The following CLIC5 variants were observed in gnomAD, a reference collection of about 807,000 sequenced individuals.
The protein encoded by CLIC5 is chloride intracellular channel protein 5.
A neutral mutation model predicts 24.7 loss-of-function variants in CLIC5; 20 were observed. The observed-to-expected ratio is 0.81, with a 90% confidence interval of 0.57 to 1.18. The LOEUF is 1.18. CLIC5 is among the 50% of genes most tolerant of loss of function. The pLI is 0.00. For synonymous variants in CLIC5, 159 were observed against 135.6 expected, an observed-to-expected ratio of 1.17 and a Z score of -1.20; for missense variants, 341 against 326.1, an observed-to-expected ratio of 1.05 and a Z score of -0.35.
chr6:46,038,018 T>C lies in CLIC5; in HGVS notation c.540+41685A>G, dbSNP rs147558523. 5.7e-3 allele frequency among the ~76,000 whole-genome samples: 863 copies of C among 152,216 alleles called. 5 individuals are homozygous for C. Among genetic ancestry groups the C allele is most frequent in the African/African-American group, 0.019 (794 of 41,522 alleles). On this transcript the variant is annotated intron_variant, in intron 1 of 5. Coordinates refer to the CLIC5 transcript ENST00000185206. ...AGATAGAGCCTGGGATTGGCCTCAG[T>C]GGGACTTTTTGTATTCATAGGACTC...
the CLIC5 span, among the ~76,000 whole-genome samples, chr6:46,114,079 A>G: frequency 6.6e-6 from 1 of 152,206 alleles, no homozygotes; most frequent in African/African-American, 2.4e-5. Flanking sequence ...AAGAGACATT[A>G]CACTCTGAAA....
At chr6:46,069,907 G>T (rs1045572857) in intron 1 of CLIC5, among the ~76,000 whole-genome samples, 4 of 152,140 alleles carry the variant, frequency 2.6e-5, no homozygotes, top group Admixed American at 6.5e-5. Flanking sequence ...GGGATGCAAG[G>T]TTGGTTCAAC....
At chr6:46,087,586 G>T in the CLIC5 span, among the ~76,000 whole-genome samples, 1 of 151,958 alleles carries the variant, frequency 6.6e-6, no homozygotes, top group African/African-American at 2.4e-5. Flanking sequence ...TTCACGGTGG[G>T]TCTAGTTTCT....
upstream of CLIC5, among the ~76,000 whole-genome samples, chr6:46,083,915 T>C (rs1762976206): frequency 6.6e-6 from 1 of 152,268 alleles, no homozygotes; most frequent in Admixed American, 6.5e-5. Context: ...AGTCTAAGTC[T>C]CTTTGTAGGT....
chr6:45,983,785 C>T (rs1487525064), intron 1 of CLIC5, among the ~76,000 whole-genome samples: 2 of 152,186 alleles, frequency 1.3e-5, no homozygotes, highest in Non-Finnish European at 1.5e-5. Context: ...AAATATAATG[C>T]CTTTCTCAGA....
rs368656586 is a variant in CLIC5, at chr6:46,029,236, G to A, written c.540+50467C>T. On this transcript the variant is annotated intron_variant, in intron 1 of 5. Transcript: ENST00000185206. ...TGAATAAATGGGCAAGGGAATGAGT[G>A]TTTTTCATGGCACAGTTCACTTAAC... Among the ~76,000 whole-genome samples the A allele has an allele frequency of 4.6e-5, 7 of 152,304 alleles. No individual in the cohort carries two copies. In the South Asian group the frequency reaches 8.3e-4, roughly 18 times the overall value.
intron 1 of CLIC5, among the ~76,000 whole-genome samples, chr6:45,996,042 T>G (rs994500404): frequency 2.0e-5 from 3 of 151,758 alleles, no homozygotes; most frequent in Non-Finnish European, 4.4e-5. Flanking sequence ...GGTAATGGGT[T>G]GATAGGTGCA....
At position 45,902,221 on chromosome 6, in the gene CLIC5, C is replaced by G. The variant is rs559588836; in HGVS notation, c.*867G>C. On this transcript the variant is annotated 3_prime_UTR_variant, in exon 6 of 6. Transcript: ENST00000339561. ...CATCCACTTTCTCATAGCTCAAAAA[C>G]CACTCATTGGTAAGCACAGTCAAAC... 6.5e-6 allele frequency: 1 copy of G among 152,986 alleles called. No homozygotes were observed. The highest frequency in any genetic ancestry group is 1.5e-5 in the Non-Finnish European group (1 of 68,166). 9.5% of individuals were successfully genotyped at this position (152,986 alleles called of 1,614,324 possible).
chr6:45,897,174 C>T (rs776032684), downstream of CLIC5, among the ~76,000 whole-genome samples: 11 of 152,120 alleles, frequency 7.2e-5, no homozygotes, highest in Non-Finnish European at 1.3e-4. Context: ...CCCCAGAGGA[C>T]GGCAGCACTT....
At chr6:45,911,637 A>G in intron 5 of CLIC5, 1 of 985,388 alleles carries the variant, frequency 1.0e-6, no homozygotes, top group Non-Finnish European at 1.2e-6. Context: ...TTCATACTGA[A>G]ATTTTATTTT....
At chr6:46,038,334 C>A (rs1562018533) in intron 1 of CLIC5, among the ~76,000 whole-genome samples, 1 of 152,208 alleles carries the variant, frequency 6.6e-6, no homozygotes. Flanking sequence ...CCCTGCCTTT[C>A]AGAGAGGTGC....
intron 2 of CLIC5, 49 bp downstream of exon 2, chr6:45,955,086 C>T (rs773746629): frequency 2.8e-6 from 4 of 1,409,826 alleles, no homozygotes; most frequent in South Asian, 1.2e-5. Flanking sequence ...ATGGAAGGTT[C>T]TCTGTTCATG....
At chr6:46,030,877 ACTAAGAT>A (rs1767479980) in intron 1 of CLIC5, among the ~76,000 whole-genome samples, 1 of 152,208 alleles carries the variant, frequency 6.6e-6, no homozygotes, top group Non-Finnish European at 1.5e-5. Flanking sequence ...GCCTTTTAGA[ACTAAGAT>A]CTTCAAGTAC....
At chr6:46,108,330 GGGA>G in the CLIC5 span, among the ~76,000 whole-genome samples, 2 of 151,160 alleles carry the variant, frequency 1.3e-5, no homozygotes, top group Non-Finnish European at 2.9e-5. Flanking sequence ...CAAAAAAAAA[GGGA>G]AGAGAGAGAT....
chr6:45,887,206 T>G (rs1383680681), intron 6 of CLIC5, among the ~76,000 whole-genome samples: 1 of 152,220 alleles, frequency 6.6e-6, no homozygotes. Context: ...ACAATCTGAG[T>G]GGCTTGGGAA....
intron 4 of CLIC5, chr6:45,919,195 C>A: frequency 2.6e-6 from 2 of 778,566 alleles, no homozygotes; most frequent in Non-Finnish European, 3.1e-6. Context: ...CTCAGTTTCC[C>A]AGAGAACCTG....
chr6:45,919,024 GC>G, intron 4 of CLIC5: 7 of 985,330 alleles, frequency 7.1e-6, no homozygotes, highest in African/African-American at 1.7e-5. Flanking sequence ...AATGTGCCTT[GC>G]TTTGTTTTCA....
chr6:45,930,357 G>T (rs1763684046), intron 4 of CLIC5, among the ~76,000 whole-genome samples: 1 of 152,262 alleles, frequency 6.6e-6, no homozygotes, highest in Middle Eastern at 3.4e-3. Context: ...GAAGCATTTG[G>T]GGGTAGTTGT....
intron 3 of CLIC5, among the ~76,000 whole-genome samples, chr6:45,948,464 A>G (rs1764359396): frequency 6.6e-6 from 1 of 152,194 alleles, no homozygotes; most frequent in East Asian, 1.9e-4. Flanking sequence ...CCTGTGCTTA[A>G]TCCCTTTCAG....
Sources: gnomAD v4.1 joint callset for allele counts (sites outside exome capture counted in the v4.1 genomes callset) on GRCh38, gnomAD v4.1.1 for gene constraint, MANE v1.5 for transcripts, NCBI Gene and HGNC (gene_info 2026-07-23, HGNC 2026-07-21) for gene names.